NECAB1: variants seen among roughly 807,000 people sequenced by gnomAD.
The protein encoded by NECAB1 is N-terminal EF-hand calcium binding protein 1.
A neutral mutation model predicts 57.5 loss-of-function variants in NECAB1; 29 were observed. The observed-to-expected ratio is 0.50, with a 90% CI of 0.38 to 0.69. The LOEUF (loss-of-function observed/expected upper bound fraction) is 0.69. Among genes scored for constraint, NECAB1 ranks in the 30% least tolerant of loss-of-function variants. NECAB1 has a pLI of 0.00. For missense variants in NECAB1, 372 were observed against 413.8 expected, an observed-to-expected ratio of 0.90 and a Z score of 0.88; for synonymous variants, 142 against 147.7, an observed-to-expected ratio of 0.96 and a Z score of 0.28.
At chr8:90,832,687 CCAAA>C (rs970625232) in intron 3 of NECAB1, among the ~76,000 whole-genome samples, 3 of 151,944 alleles carry the variant, frequency 2.0e-5, no homozygotes, top group Non-Finnish European at 2.9e-5. Context: ...TTTAAAAAAA[CCAAA>C]CAAACAAAAT....
chr8:90,871,814 T>C (rs1361719347), intron 3 of NECAB1, among the ~76,000 whole-genome samples: 3 of 152,158 alleles, frequency 2.0e-5, no homozygotes, highest in Non-Finnish European at 4.4e-5. Flanking sequence ...AGAAGTTAAA[T>C]TGCAGAGTCA....
At chr8:90,940,451 T>A in intron 9 of NECAB1, 1 of 231,046 alleles carries the variant, frequency 4.3e-6, no homozygotes. Flanking sequence ...AGGGAGGTTT[T>A]AAAAATAGCA....
chr8:90,814,710 G>C (rs1182168562), intron 2 of NECAB1, among the ~76,000 whole-genome samples: 1 of 151,924 alleles, frequency 6.6e-6, no homozygotes, highest in Non-Finnish European at 1.5e-5. Flanking sequence ...TTATGGGTGG[G>C]GAGTTTTTAC....
intron 3 of NECAB1, among the ~76,000 whole-genome samples, chr8:90,847,509 C>G (rs1473153861): frequency 6.6e-6 from 1 of 152,242 alleles, no homozygotes; most frequent in Non-Finnish European, 1.5e-5. Context: ...CTCCACTAGG[C>G]AGTGCCTCAG....
chr8:90,879,136 T>C (rs11785490), intron 4 of NECAB1, among the ~76,000 whole-genome samples: 2 of 140,978 alleles, frequency 1.4e-5, no homozygotes, highest in Non-Finnish European at 3.0e-5. Context: ...ATATAATATA[T>C]ATATATCGAG....
At chr8:90,927,171 A>G (rs1810292418) in intron 7 of NECAB1, among the ~76,000 whole-genome samples, 1 of 146,988 alleles carries the variant, frequency 6.8e-6, no homozygotes, top group South Asian at 2.1e-4. Context: ...TATTTGTAAT[A>G]TTTTCTCCAA....
At chr8:90,901,704 G>A (rs1809507330) in intron 5 of NECAB1, among the ~76,000 whole-genome samples, 1 of 152,112 alleles carries the variant, frequency 6.6e-6, no homozygotes, top group Non-Finnish European at 1.5e-5. Context: ...ACGACCATTT[G>A]ACCCTGAATT....
chr8:90,933,332 C>T (rs1810454193), intron 8 of NECAB1, among the ~76,000 whole-genome samples: 2 of 152,108 alleles, frequency 1.3e-5, no homozygotes, highest in Admixed American at 1.3e-4. Context: ...AACCCAAATG[C>T]CCGCCAATCA....
chr8:90,945,360 C>T (rs909052628), intron 10 of NECAB1, among the ~76,000 whole-genome samples: 22 of 152,246 alleles, frequency 1.4e-4, no homozygotes, highest in East Asian at 3.9e-4. Flanking sequence ...GCTACCGTGC[C>T]GGGCCATTTT....
At chr8:90,906,971 G>A (rs1313814484) in intron 5 of NECAB1, among the ~76,000 whole-genome samples, 2 of 145,618 alleles carry the variant, frequency 1.4e-5, no homozygotes, top group African/African-American at 5.1e-5. Flanking sequence ...CTGCAGCCTC[G>A]ACCTCCTGGA....
intron 5 of NECAB1, among the ~76,000 whole-genome samples, chr8:90,911,107 A>C (rs1437364183): frequency 6.6e-6 from 1 of 152,146 alleles, no homozygotes; most frequent in African/African-American, 2.4e-5. Context: ...CAACATGGCC[A>C]TCTTCCCCAA....
intron 5 of NECAB1, among the ~76,000 whole-genome samples, chr8:90,917,015 G>A (rs530415085): frequency 6.6e-6 from 1 of 152,082 alleles, no homozygotes; most frequent in East Asian, 1.9e-4. Context: ...AGCATAATAC[G>A]GATCAAGCAT....
At position 90,956,913 on chromosome 8, in the gene NECAB1, T is replaced by C. The variant is rs1367023281; in HGVS notation, c.*1401T>C. 1.3e-5 allele frequency: 2 copies of C among 151,540 alleles called. No homozygotes were observed. Among genetic ancestry groups the C allele is most frequent in the African/African-American group, 4.9e-5 (2 of 41,152 alleles). 9.4% of individuals were successfully genotyped at this position (151,540 alleles called of 1,614,324 possible). Reference sequence around the variant, plus strand: ...CTTTCATAGTTCTATTAGAAATAAGTAGTAAATTTTGATATATTGTACATA... The same window carrying C: ...CTTTCATAGTTCTATTAGAAATAAGCAGTAAATTTTGATATATTGTACATA... On this transcript the variant is annotated 3_prime_UTR_variant, in exon 13 of 13. Transcript: ENST00000417640.
intron 4 of NECAB1, among the ~76,000 whole-genome samples, chr8:90,879,471 C>T (rs1289806526): frequency 6.6e-6 from 1 of 151,920 alleles, no homozygotes; most frequent in Non-Finnish European, 1.5e-5. Context: ...ATATTTTTGT[C>T]TATTTGCATT....
chr8:90,940,805 G>C lies in NECAB1; in HGVS notation c.767G>C (p.Arg256Pro). The change falls in exon 10 of 13, where the codon CGG becomes CCG. Residue 256 changes from arginine to proline, a missense_variant. Physicochemically the swap from Arg to Pro is moderately radical, Grantham distance 103. Transcript: ENST00000417640. ...TGGCAGCACATCATGCTTGTGCAGC[G>C]GCAGATGTCTGTGATAGAAGAGGAC... is the stretch of plus-strand genomic sequence containing the variant. ...NTKSHIMLVQ[R>P]QMSVIEEDLE... 6.4e-7 allele frequency: 1 copy of C among 1,561,606 alleles called. No individual in the cohort carries two copies. The highest frequency in any genetic ancestry group is 8.7e-7 in the Non-Finnish European group (1 of 1,152,468).
At chr8:90,823,813 T>C (rs1349563194) in intron 2 of NECAB1, among the ~76,000 whole-genome samples, 1 of 151,886 alleles carries the variant, frequency 6.6e-6, no homozygotes, top group East Asian at 1.9e-4. Flanking sequence ...TGGCAGCTTA[T>C]CTGAGATAAC....
intron 3 of NECAB1, among the ~76,000 whole-genome samples, chr8:90,842,358 T>C (rs1270797933): frequency 6.6e-6 from 1 of 152,184 alleles, no homozygotes; most frequent in East Asian, 1.9e-4. Flanking sequence ...CGAAGAGATG[T>C]GATGTTGCCT....
At chr8:90,882,826 C>G (rs996783582) in intron 5 of NECAB1, among the ~76,000 whole-genome samples, 18 of 151,866 alleles carry the variant, frequency 1.2e-4, no homozygotes, top group African/African-American at 4.4e-4. Context: ...TTGTTTTTGG[C>G]TTACCGTGTT....
chr8:90,851,937 C>T lies in NECAB1; in HGVS notation c.234-20191C>T, dbSNP rs181297355. Among the ~76,000 whole-genome samples, 13 of 152,214 alleles carry T rather than the reference C, an allele frequency of 8.5e-5. No homozygotes were observed. The South Asian group carries it at 1.0e-3, about 12-fold the overall frequency. On this transcript the variant is annotated intron_variant, in intron 3 of 12. Transcript: ENST00000417640. Reference sequence around the variant, plus strand: ...GTCTGTGGTCCACCTGTGCATCCCTCCCCACCCCCAACCCCATTTTGTTTT... The same window carrying T: ...GTCTGTGGTCCACCTGTGCATCCCTTCCCACCCCCAACCCCATTTTGTTTT...
Sources: allele counts gnomAD v4.1 joint callset (sites outside exome capture counted in the v4.1 genomes callset), GRCh38; gene constraint gnomAD v4.1.1; transcripts MANE v1.5; gene names NCBI Gene and HGNC (gene_info 2026-07-23, HGNC 2026-07-21).